Variants in SYNPR observed in about 807,000 individuals in gnomAD.
SYNPR encodes synaptoporin.
A neutral mutation model predicts 32.9 loss-of-function variants in SYNPR; 23 were observed. That is an observed-to-expected ratio of 0.70 (90% CI 0.50 to 0.99). SYNPR has a LOEUF of 0.99. Among genes scored for constraint, SYNPR ranks in the 50% least tolerant of loss-of-function variants. The pLI, the probability that SYNPR is intolerant of heterozygous loss-of-function variation, is 0.00. For missense variants in SYNPR, 318 were observed against 349.3 expected, an observed-to-expected ratio of 0.91 and a Z score of 0.71; for synonymous variants, 146 against 135.9, an observed-to-expected ratio of 1.07 and a Z score of -0.52.
At chr3:63,443,328 G>C in intron 2 of SYNPR, 3 of 1,514,242 alleles carry the variant, frequency 2.0e-6, no homozygotes, top group Non-Finnish European at 2.7e-6. Context: ...CTCCTCCTTT[G>C]CTTCATAAAA....
At chr3:63,218,289 C>T in the SYNPR span, among the ~76,000 whole-genome samples, 5 of 152,296 alleles carry the variant, frequency 3.3e-5, no homozygotes, top group South Asian at 4.1e-4. Flanking sequence ...TCCACACCAG[C>T]GTTTTGCTGT....
At chr3:63,520,442 A>T (rs1051537223) in intron 3 of SYNPR, among the ~76,000 whole-genome samples, 3 of 152,146 alleles carry the variant, frequency 2.0e-5, no homozygotes, top group African/African-American at 7.2e-5. Context: ...TGGGAGGCTG[A>T]GGTGGGTGGA....
intron 3 of SYNPR, among the ~76,000 whole-genome samples, chr3:63,530,809 T>C (rs530059473): frequency 6.6e-6 from 1 of 152,194 alleles, no homozygotes; most frequent in South Asian, 2.1e-4. Context: ...GAAATAAGTT[T>C]TATGGGGAGA....
At chr3:63,579,315 A>G (rs1374545621) in intron 4 of SYNPR, among the ~76,000 whole-genome samples, 1 of 152,108 alleles carries the variant, frequency 6.6e-6, no homozygotes, top group Non-Finnish European at 1.5e-5. Flanking sequence ...GCTCTTCCCC[A>G]GATATTCACA....
At chr3:63,581,047 G>A (rs149970405) in intron 4 of SYNPR, among the ~76,000 whole-genome samples, 1 of 152,192 alleles carries the variant, frequency 6.6e-6, no homozygotes, top group African/African-American at 2.4e-5. Flanking sequence ...CTTCAGAACT[G>A]TAACAATTAA....
chr3:63,457,485 G>A (rs1262003807), intron 2 of SYNPR, among the ~76,000 whole-genome samples: 1 of 152,062 alleles, frequency 6.6e-6, no homozygotes, highest in African/African-American at 2.4e-5. Flanking sequence ...ATTTTAATGA[G>A]CTCTTCAGGA....
chr3:63,211,214 C>T, the SYNPR span, among the ~76,000 whole-genome samples: 1 of 152,098 alleles, frequency 6.6e-6, no homozygotes, highest in East Asian at 1.9e-4. Context: ...ATTACAGGCA[C>T]CCGCCACCAC....
chr3:63,348,510 G>A (rs1364166814), intron 2 of SYNPR, among the ~76,000 whole-genome samples: 1 of 151,820 alleles, frequency 6.6e-6, no homozygotes, highest in African/African-American at 2.4e-5. Flanking sequence ...TATTTCTTTT[G>A]CTGTGAAGCA....
intron 3 of SYNPR, among the ~76,000 whole-genome samples, chr3:63,497,917 A>G (rs1471400763): frequency 6.6e-6 from 1 of 152,146 alleles, no homozygotes; most frequent in Non-Finnish European, 1.5e-5. Flanking sequence ...TTTCAACCAA[A>G]TGCTGCTAGC....
At chr3:63,225,112 A>G (rs140010814), upstream of SYNPR, among the ~76,000 whole-genome samples, 2 of 152,344 alleles carry the variant, frequency 1.3e-5, no homozygotes, top group African/African-American at 4.8e-5. Context: ...AGGACCTCTG[A>G]GCCCACAAAA....
chr3:63,513,780 G>A (rs1332254280), intron 3 of SYNPR, among the ~76,000 whole-genome samples: 1 of 152,058 alleles, frequency 6.6e-6, no homozygotes, highest in African/African-American at 2.4e-5. Flanking sequence ...ATGTACAAAT[G>A]ATGGAAGGAA....
intron 3 of SYNPR, among the ~76,000 whole-genome samples, chr3:63,501,299 T>C (rs1383851007): frequency 6.6e-6 from 1 of 151,914 alleles, no homozygotes; most frequent in Non-Finnish European, 1.5e-5. Flanking sequence ...GGCAACATGG[T>C]GAAACCTCGT....
At position 63,333,967 on chromosome 3, in the gene SYNPR, T is replaced by C. The variant is rs138054782; in HGVS notation, c.84+55225T>C. 4.1e-4 allele frequency among the ~76,000 whole-genome samples: 63 copies of C among 152,362 alleles called. 1 individual carries two copies. The highest frequency in any genetic ancestry group is 1.5e-3 in the African/African-American group (62 of 41,592). On this transcript the variant is annotated intron_variant, in intron 2 of 5. Transcript: ENST00000478300. ...GTATTAAGAATGAAAAGATGGTCTA[T>C]AGTAATAGAGAAATTGGTGACACCT...
intron 2 of SYNPR, among the ~76,000 whole-genome samples, chr3:63,450,082 G>C (rs910272159): frequency 6.6e-6 from 1 of 152,124 alleles, no homozygotes; most frequent in African/African-American, 2.4e-5. Context: ...CACAGCAGTA[G>C]TTAGGGAATT....
chr3:63,373,026 C>G (rs1212325545), intron 2 of SYNPR, among the ~76,000 whole-genome samples: 1 of 151,996 alleles, frequency 6.6e-6, no homozygotes, highest in Non-Finnish European at 1.5e-5. Flanking sequence ...AGCTACAAAC[C>G]CCCTGCAAAA....
intron 2 of SYNPR, among the ~76,000 whole-genome samples, chr3:63,337,232 C>CAAAAA (rs67376099): frequency 9.0e-5 from 5 of 55,468 alleles, no homozygotes; most frequent in African/African-American, 1.6e-4. Flanking sequence ...ACTCTGTCTC[C>CAAAAA]AAAAAAAAAA....
chr3:63,331,791 A>G (rs1018055319), intron 2 of SYNPR, among the ~76,000 whole-genome samples: 2 of 152,214 alleles, frequency 1.3e-5, no homozygotes, highest in East Asian at 1.9e-4. Context: ...CTAAAGTCAC[A>G]CAGAATTGGA....
chr3:63,474,121 G>A (rs549479369), intron 2 of SYNPR, among the ~76,000 whole-genome samples: 4 of 152,208 alleles, frequency 2.6e-5, no homozygotes, highest in Non-Finnish European at 4.4e-5. Context: ...ACTGGGGCTC[G>A]GTCTCAATGA....
chr3:63,567,632 G>A (rs962664181), intron 4 of SYNPR, among the ~76,000 whole-genome samples: 6 of 152,156 alleles, frequency 3.9e-5, no homozygotes, highest in East Asian at 3.9e-4. Context: ...AGCCCTTTCC[G>A]CAGGGGGACA....
Sources: gnomAD v4.1 joint callset for allele counts (sites outside exome capture counted in the v4.1 genomes callset) on GRCh38, gnomAD v4.1.1 for gene constraint, MANE v1.5 for transcripts, NCBI Gene and HGNC (gene_info 2026-07-23, HGNC 2026-07-21) for gene names.